The following ZNF385B variants were observed in gnomAD, a reference collection of about 807,000 sequenced individuals.
ZNF385B encodes zinc finger protein 385B, also known as zinc finger protein 533.
A neutral mutation model predicts 39.2 loss-of-function variants in ZNF385B; 23 were observed. The observed-to-expected ratio is 0.59, with a 90% confidence interval of 0.42 to 0.83. The LOEUF (loss-of-function observed/expected upper bound fraction) is 0.83, where lower values mean the gene tolerates loss of function less well. ZNF385B is among the 40% of genes least tolerant of loss of function. ZNF385B has a pLI of 0.00. For synonymous variants in ZNF385B, 205 were observed against 222.6 expected, an observed-to-expected ratio of 0.92 and a Z score of 0.70; for missense variants, 552 against 598.9, an observed-to-expected ratio of 0.92 and a Z score of 0.82.
intron 1 of ZNF385B, among the ~76,000 whole-genome samples, chr2:179,787,348 T>C (rs898609541): frequency 5.9e-5 from 9 of 152,018 alleles, no homozygotes; most frequent in Non-Finnish European, 1.2e-4. Context: ...AAAATAATTT[T>C]ATATTTGTCA....
intron 3 of ZNF385B, among the ~76,000 whole-genome samples, chr2:179,566,182 G>T (rs1305277648): frequency 1.3e-5 from 2 of 152,184 alleles, no homozygotes; most frequent in Non-Finnish European, 2.9e-5. Context: ...AAGAGTACAT[G>T]GATTATGAGA....
At chr2:179,722,614 T>C (rs749598625) in intron 3 of ZNF385B, among the ~76,000 whole-genome samples, 8 of 152,096 alleles carry the variant, frequency 5.3e-5, no homozygotes, top group Non-Finnish European at 7.4e-5. Flanking sequence ...AGCCAAATTA[T>C]AGCAATTGTA....
intron 3 of ZNF385B, among the ~76,000 whole-genome samples, chr2:179,645,863 C>A (rs973376377): frequency 4.6e-5 from 7 of 152,230 alleles, no homozygotes; most frequent in Admixed American, 1.3e-4. Context: ...CCTTGTGAAA[C>A]TGTATTTTTT....
intron 1 of ZNF385B, among the ~76,000 whole-genome samples, chr2:179,775,728 T>G (rs753873212): frequency 6.6e-6 from 1 of 152,178 alleles, no homozygotes; most frequent in Non-Finnish European, 1.5e-5. Flanking sequence ...AAAAAGCATC[T>G]TAGAGGATCT....
At position 179,493,799 on chromosome 2, in the gene ZNF385B, A is replaced by ATGTATACATATG. The variant is rs1553572838; in HGVS notation, c.553-10366_553-10365insCATATGTATACA. ...TGTATATACACATATGTATACATATATGTATATATACATATATATATAGCA... is the reference window on the plus strand; with the variant it reads ...TGTATATACACATATGTATACATATATGTATACATATGTGTATATATACATATATATATAGCA... On this transcript the variant is annotated intron_variant, in intron 5 of 9. Transcript: ENST00000410066. Among the ~76,000 whole-genome samples the ATGTATACATATG allele has an allele frequency of 2.8e-3, 202 of 71,384 alleles. 7 individuals are homozygous for ATGTATACATATG. The highest frequency in any genetic ancestry group is 7.4e-3 in the Admixed American group (40 of 5,436). 46.8% of individuals were successfully genotyped at this position (71,384 alleles called of 152,430 possible). A position where few individuals can be genotyped will look rare whatever the true frequency, so the allele number is the denominator to read the frequency against.
At chr2:179,468,944 C>T (rs1287900551) in intron 6 of ZNF385B, among the ~76,000 whole-genome samples, 1 of 152,102 alleles carries the variant, frequency 6.6e-6, no homozygotes, top group African/African-American at 2.4e-5. Context: ...AGATACCAAT[C>T]CTTTAAAAAT....
At position 179,546,210 on chromosome 2, in the gene ZNF385B, A is replaced by AG. The variant is rs201436037; in HGVS notation, c.299-1242_299-1241insC. Among the ~76,000 whole-genome samples the AG allele has an allele frequency of 8.5e-3, 1,288 of 151,724 alleles. 18 individuals carry two copies. Among genetic ancestry groups the AG allele is most frequent in the African/African-American group, 0.03 (1,235 of 41,332 alleles). On this transcript the variant is annotated intron_variant, in intron 3 of 9. Transcript: ENST00000410066. ...GCCACCACACCTGGCTAATTTTTGTATTTTTTGTAGAGATGGGGTTTTTGC... is the reference window on the plus strand; with the variant it reads ...GCCACCACACCTGGCTAATTTTTGTAGTTTTTTGTAGAGATGGGGTTTTTGC...
At chr2:179,758,728 TA>T (rs938478589) in intron 3 of ZNF385B, among the ~76,000 whole-genome samples, 23 of 152,144 alleles carry the variant, frequency 1.5e-4, no homozygotes, top group African/African-American at 5.3e-4. Context: ...TGGTAAGAAT[TA>T]TCCAGCCTAC....
chr2:179,646,592 A>C (rs1692740080), intron 3 of ZNF385B, among the ~76,000 whole-genome samples: 1 of 152,182 alleles, frequency 6.6e-6, no homozygotes, highest in Non-Finnish European at 1.5e-5. Flanking sequence ...GCCCAAAATA[A>C]ATCTCCCTGA....
At chr2:179,577,086 TCTG>T (rs1187637723) in intron 3 of ZNF385B, among the ~76,000 whole-genome samples, 2 of 152,176 alleles carry the variant, frequency 1.3e-5, no homozygotes, top group Non-Finnish European at 2.9e-5. Flanking sequence ...AGTATCATTA[TCTG>T]CAAATGAATA....
chr2:179,765,486 C>T (rs2106495715), intron 3 of ZNF385B, among the ~76,000 whole-genome samples: 1 of 152,264 alleles, frequency 6.6e-6, no homozygotes, highest in Admixed American at 6.5e-5. Context: ...TGCACATGGA[C>T]ATCTGCTGAG....
rs140137893 is a variant in ZNF385B, at chr2:179,463,402, G to A, written c.716-16632C>T. ...AAGTTATGGGGTACATGTGCAGAAC[G>A]TGCAGTTTTGTTACGTAGGTATACA... On this transcript the variant is annotated intron_variant, in intron 6 of 9. Transcript: ENST00000410066. 5.7e-3 allele frequency among the ~76,000 whole-genome samples: 860 copies of A among 152,010 alleles called. 5 individuals carry two copies. The highest frequency in any genetic ancestry group is 0.025 in the South Asian group (119 of 4,798).
At chr2:179,536,209 A>T (rs1198251930) in intron 4 of ZNF385B, 2 of 152,004 alleles carry the variant, frequency 1.3e-5, no homozygotes, top group African/African-American at 4.8e-5. Context: ...TTCTTCTTCT[A>T]ATTCTTTTTT....
At chr2:179,528,076 A>G (rs890264537) in intron 4 of ZNF385B, among the ~76,000 whole-genome samples, 1 of 152,222 alleles carries the variant, frequency 6.6e-6, no homozygotes, top group African/African-American at 2.4e-5. Context: ...ATGCAAAAAA[A>G]CAAAACAAAA....
At chr2:179,540,279 T>C (rs2059832435) in intron 4 of ZNF385B, among the ~76,000 whole-genome samples, 1 of 152,036 alleles carries the variant, frequency 6.6e-6, no homozygotes, top group Non-Finnish European at 1.5e-5. Context: ...AAACCCCATC[T>C]CTACTAAAAA....
At chr2:179,801,703 C>T (rs1207349613) in intron 1 of ZNF385B, among the ~76,000 whole-genome samples, 1 of 152,140 alleles carries the variant, frequency 6.6e-6, no homozygotes, top group Admixed American at 6.6e-5. Context: ...AATTACACAT[C>T]ACATTTTTAG....
chr2:179,814,584 G>A (rs1287948156), intron 1 of ZNF385B: 2 of 725,982 alleles, frequency 2.8e-6, no homozygotes, highest in East Asian at 9.6e-5. Context: ...GCAGGAGATG[G>A]TCGACATCAT....
At chr2:179,445,801 A>G (rs2049413870) in intron 7 of ZNF385B, 73 bp from the exon 8 acceptor site, 2 of 1,398,476 alleles carry the variant, frequency 1.4e-6, no homozygotes, top group South Asian at 3.5e-5. Flanking sequence ...CTTATCCTTG[A>G]GAAGTTTACC....
At chr2:179,608,380 T>C (rs1331854663) in intron 3 of ZNF385B, among the ~76,000 whole-genome samples, 1 of 152,172 alleles carries the variant, frequency 6.6e-6, no homozygotes, top group Non-Finnish European at 1.5e-5. Context: ...AAGAGTTTGG[T>C]GGAAATCTTC....
Sources: gnomAD v4.1 joint callset for allele counts (sites outside exome capture counted in the v4.1 genomes callset) on GRCh38, gnomAD v4.1.1 for gene constraint, MANE v1.5 for transcripts, NCBI Gene and HGNC (gene_info 2026-07-23, HGNC 2026-07-21) for gene names.